SERPINB4: variants seen among roughly 807,000 people sequenced by gnomAD.
SERPINB4 encodes serpin family B member 4, also known as serpin B4.
SERPINB4 carries 39 observed loss-of-function variants against 33.2 expected under a neutral mutation model. The ratio of observed to expected loss-of-function variants is 1.18; its 90% CI spans 0.91 to 1.53. The LOEUF (loss-of-function observed/expected upper bound fraction) is 1.53, where lower values mean the gene tolerates loss of function less well. Among genes scored for constraint, SERPINB4 ranks in the 40% most tolerant of loss-of-function variants. SERPINB4 has a pLI of 0.00. For synonymous variants in SERPINB4, 191 were observed against 166.4 expected, an observed-to-expected ratio of 1.15 and a Z score of -1.14; for missense variants, 564 against 455.4, an observed-to-expected ratio of 1.24 and a Z score of -2.17.
rs777290245 is a variant in SERPINB4, at chr18:63,639,617, TA to T, written c.612+16del. 6.1e-6 allele frequency: 9 copies of T among 1,470,602 alleles called. No individual in the cohort carries two copies. In the South Asian group the frequency reaches 1.0e-4, roughly 17 times the overall value. The allele number at this position is 1,470,602 out of a possible 1,614,324, so 91.1% of individuals were successfully genotyped here. ...GTATTAACATATTACACTATATAAA[TA>T]AAATATAGACAATACCTTGTTTGGC... On this transcript the variant is annotated intron_variant, in intron 6 of 7. Coordinates refer to ENST00000341074, the MANE Select transcript of SERPINB4 (RefSeq NM_002974.4).
intron 6 of SERPINB4, 42 bp from the exon 7 acceptor site, chr18:63,639,382 C>T (rs375149725): frequency 7.4e-5 from 114 of 1,548,588 alleles, no homozygotes; most frequent in Non-Finnish European, 9.2e-5. Flanking sequence ...ACGTGAAACA[C>T]AAGACAAAAA....
At chr18:63,640,699 C>T (rs1400266056) in intron 5 of SERPINB4, among the ~76,000 whole-genome samples, 175 bp downstream of exon 5, 1 of 151,992 alleles carries the variant, frequency 6.6e-6, no homozygotes, top group Non-Finnish European at 1.5e-5. Flanking sequence ...TCCTCCTTGG[C>T]TCCCCTAGGC....
chr18:63,641,465 CTGAG>C (rs1260993690), intron 4 of SERPINB4, among the ~76,000 whole-genome samples: 1 of 152,102 alleles, frequency 6.6e-6, no homozygotes, highest in Non-Finnish European at 1.5e-5. Flanking sequence ...TCGTATGTGA[CTGAG>C]TCAGTGCCAG....
chr18:63,641,434 T>C (rs1474259546), intron 4 of SERPINB4, among the ~76,000 whole-genome samples: 3 of 152,262 alleles, frequency 2.0e-5, no homozygotes, highest in African/African-American at 7.2e-5. Flanking sequence ...CCATTAGTCA[T>C]ACATTTCCCA....
intron 3 of SERPINB4, 64 bp from the exon 4 acceptor site, chr18:63,641,952 A>T: frequency 6.2e-7 from 1 of 1,602,900 alleles, no homozygotes; most frequent in Non-Finnish European, 8.5e-7. Flanking sequence ...AACCCATGCT[A>T]AGTCTGTTAG....
intron 5 of SERPINB4, 26 bp downstream of exon 5, chr18:63,640,848 G>T: frequency 1.3e-6 from 2 of 1,586,120 alleles, no homozygotes; most frequent in African/African-American, 2.7e-5. Flanking sequence ...TCTCAAAGGT[G>T]TTTCTATAAT....
Position 63,643,422 on chromosome 18 carries a change from T to C in SERPINB4, c.156A>G (p.Gln52=), listed in dbSNP as rs373309130. The change falls in exon 2 of 8, where the codon CAA becomes CAG. Residue 52 remains glutamine, a synonymous_variant. Transcript: ENST00000341074. Reference sequence around the variant, plus strand: ...TGATGCTGATAGCTACCTTGCTAATTTGTTGTGCAGTGTTGTCTTTGGCTC... The same window carrying C: ...TGATGCTGATAGCTACCTTGCTAATCTGTTGTGCAGTGTTGTCTTTGGCTC... ...LLGAKDNTAQ[Q]ISKVLHFDQV... 1.2e-5 allele frequency: 20 copies of C among 1,613,466 alleles called. No individual in the cohort carries two copies. The highest frequency in any genetic ancestry group is 1.2e-4 in the Admixed American group (7 of 59,944).
chr18:63,638,599 G>A (rs1913019377), intron 7 of SERPINB4, among the ~76,000 whole-genome samples: 1 of 151,336 alleles, frequency 6.6e-6, no homozygotes, highest in Non-Finnish European at 1.5e-5. Context: ...TTTCTACTCG[G>A]CCTATTTGTA....
At chr18:63,639,891 G>A (rs1249007000) in intron 5 of SERPINB4, 115 bp from the exon 6 acceptor site, 1 of 951,050 alleles carries the variant, frequency 1.1e-6, no homozygotes, top group African/African-American at 1.6e-5. Context: ...CCCTGCTTGA[G>A]ACTCACTGAC....
In SERPINB4 at chr18:63,643,493, A is replaced by C; in HGVS notation, c.85T>G (p.Tyr29Asp). The change falls in exon 2 of 8, where the codon TAT becomes GAT. Residue 29 changes from tyrosine to aspartate, a missense_variant. Physicochemically the swap from Tyr to Asp is radical, Grantham distance 160. Coordinates refer to ENST00000341074, the MANE Select transcript of SERPINB4 (RefSeq NM_002974.4). ...FRKSKENNIF[Y>D]SPISITSALG... ...GCTGATGTGATGCTGATAGGGGAAT[A>C]GAAGATGTTGTTCTCTTTTGATTTT... 2 of 1,613,792 alleles carry C rather than the reference A, an allele frequency of 1.2e-6. No individual in the cohort carries two copies. The highest frequency in any genetic ancestry group is 1.7e-6 in the Non-Finnish European group (2 of 1,179,780).
chr18:63,638,133 T>C lies in SERPINB4; in HGVS notation c.769-10A>G. 1 of 1,606,414 alleles carries C rather than the reference T, an allele frequency of 6.2e-7. No homozygotes were observed. Among genetic ancestry groups the C allele is most frequent in the Non-Finnish European group, 8.5e-7 (1 of 1,176,466 alleles). On this transcript the variant is annotated splice_polypyrimidine_tract_variant and intron_variant, in intron 7 of 7. Coordinates refer to ENST00000341074, the MANE Select transcript of SERPINB4 (RefSeq NM_002974.4). Reference sequence around the variant, plus strand: ...TGAGTTTCTCTTCAAGCTATACAAATGGAAAAAAGAAACTGATATGACTAA... The same window carrying C: ...TGAGTTTCTCTTCAAGCTATACAAACGGAAAAAAGAAACTGATATGACTAA...
At chr18:63,644,117 G>C (rs1392651635) in intron 1 of SERPINB4, 92 bp downstream of exon 1, 1 of 155,022 alleles carries the variant, frequency 6.5e-6, no homozygotes, top group Admixed American at 6.3e-5. Flanking sequence ...TAATCAGACA[G>C]AATGCAGGAG....
chr18:63,637,768 T>A lies in SERPINB4; in HGVS notation c.1124A>T (p.Gln375Leu). 1 of 1,613,252 alleles carries A rather than the reference T, an allele frequency of 6.2e-7. No homozygotes were observed. Among genetic ancestry groups the A allele is most frequent in the Non-Finnish European group, 8.5e-7 (1 of 1,179,540 alleles). ...CNHPFLFFIR[Q>L]NKTNSILFYG... ...GAAGAGGATGCTGTTGGTCTTATTTTGCCTTATGAAGAATAGGAAAGGGTG... is the reference window on the plus strand; with the variant it reads ...GAAGAGGATGCTGTTGGTCTTATTTAGCCTTATGAAGAATAGGAAAGGGTG... The change falls in exon 8 of 8, where the codon CAA becomes CTA. Residue 375 changes from glutamine to leucine, a missense_variant. By Grantham distance (113) the Gln-to-Leu change is moderately radical (BLOSUM62 -2). Transcript: ENST00000341074.
At chr18:63,642,496 C>A (rs562386163) in intron 3 of SERPINB4, among the ~76,000 whole-genome samples, 1 of 151,942 alleles carries the variant, frequency 6.6e-6, no homozygotes, top group Non-Finnish European at 1.5e-5. Flanking sequence ...GGAAAAAAAC[C>A]CTGTTTATAG....
chr18:63,639,834 G>A (rs1233293332), intron 5 of SERPINB4, 58 bp from the exon 6 acceptor site: 1 of 1,487,086 alleles, frequency 6.7e-7, no homozygotes, highest in African/African-American at 1.4e-5. Context: ...TTGTCTGGAA[G>A]ATGCTTTGCA....
chr18:63,637,734 T>G lies in SERPINB4; in HGVS notation c.1158A>C (p.Arg386Ser), dbSNP rs1912974095. Residue 386 changes from arginine to serine, a missense_variant, in exon 8 of 8, where the codon AGA (arginine) becomes AGC (serine). Arg to Ser is a moderately radical substitution (Grantham distance 110). Transcript: ENST00000341074. ...CTAATTGCATCTATGGGGATGAGAA[T>G]CTGCCATAGAAGAGGATGCTGTTGG... ...NKTNSILFYG[R>S]FSSP The G allele has an allele frequency of 6.2e-7, 1 of 1,606,754 alleles. No homozygotes were observed. Among genetic ancestry groups the G allele is most frequent in the Non-Finnish European group, 8.5e-7 (1 of 1,176,082 alleles).
At position 63,637,813 on chromosome 18, in the gene SERPINB4, T is replaced by C. The variant is rs771280232; in HGVS notation, c.1079A>G (p.Asn360Ser). The change falls in exon 8 of 8, where the codon AAT (asparagine) becomes AGT (serine). Residue 360 changes from asparagine (N) to serine (S), a missense_variant. Coordinates refer to ENST00000341074, the MANE Select transcript of SERPINB4 (RefSeq NM_002974.4). ...AGGGTGATTACAACAGAACTCTTCA[T>C]TAGTTGAAGGAGATGATAATTCGAC... ...VVVELSSPST[N>S]EEFCCNHPFL... 25 of 1,613,382 alleles carry C rather than the reference T, an allele frequency of 1.5e-5. No individual in the cohort carries two copies. Among genetic ancestry groups the C allele is most frequent in the Admixed American group, 5.0e-5 (3 of 59,884 alleles).
In SERPINB4 at chr18:63,643,521, G is replaced by T; in HGVS notation, c.57C>A (p.Phe19Leu). ...TKFMFDLFQQ[F>L]RKSKENNIFY... ...AGATGTTGTTCTCTTTTGATTTTCT[G>T]AACTGTTGGAACAGATCGAACATGA... The change falls in exon 2 of 8, where the codon TTC (phenylalanine) becomes TTA (leucine). Residue 19 changes from phenylalanine (F) to leucine (L), a missense_variant. Transcript: ENST00000341074. 6.2e-7 allele frequency: 1 copy of T among 1,613,658 alleles called. No individual in the cohort carries two copies. The highest frequency in any genetic ancestry group is 1.1e-5 in the South Asian group (1 of 91,062).
intron 3 of SERPINB4, among the ~76,000 whole-genome samples, chr18:63,642,695 T>C (rs543015785): frequency 2.0e-5 from 3 of 152,246 alleles, no homozygotes; most frequent in African/African-American, 7.2e-5. Context: ...GAAAATTAAA[T>C]TATTTTCACA....
Sources: allele counts gnomAD v4.1 joint callset (sites outside exome capture counted in the v4.1 genomes callset), GRCh38; gene constraint gnomAD v4.1.1; transcripts MANE v1.5; gene names NCBI Gene and HGNC (gene_info 2026-07-23, HGNC 2026-07-21).